DNAJC2: variants seen among roughly 807,000 people sequenced by gnomAD.
The protein encoded by DNAJC2 is dnaJ homolog subfamily C member 2.
A neutral mutation model predicts 94.0 loss-of-function variants in DNAJC2; 32 were observed. The ratio of observed to expected loss-of-function variants is 0.34; its 90% CI spans 0.26 to 0.46. The LOEUF (loss-of-function observed/expected upper bound fraction) is 0.46. Among genes scored for constraint, DNAJC2 ranks in the 20% least tolerant of loss-of-function variants. DNAJC2 has a pLI of 1.00. For missense variants in DNAJC2, 550 were observed against 719.5 expected (o/e 0.76, Z 2.69); for synonymous variants, 210 against 229.7 (o/e 0.91, Z 0.77).
intron 1 of DNAJC2, among the ~76,000 whole-genome samples, chr7:103,343,156 C>T (rs1283993486): frequency 1.3e-5 from 2 of 152,072 alleles, no homozygotes; most frequent in African/African-American, 2.4e-5. Context: ...CCCGCCACCA[C>T]GCCCAGCTAC....
In DNAJC2 at chr7:103,320,758, TACAC is replaced by T. The variant is rs1210199992; in HGVS notation, c.1084-918_1084-915del. The T allele has an allele frequency of 5.4e-3, 525 of 96,982 alleles. 4 individuals carry two copies. The highest frequency in any genetic ancestry group is 0.026 in the African/African-American group (515 of 19,894). The allele number at this position is 96,982 out of a possible 1,614,324, so 6.0% of individuals were successfully genotyped here. ...GACTCTGTCACAAAATATATATATA[TACAC>T]ATATATATATATATATATATATTCT... On this transcript the variant is annotated intron_variant, in intron 10 of 16. Transcript: ENST00000379263.
At chr7:103,325,174 T>C (rs1345014247) in intron 5 of DNAJC2, among the ~76,000 whole-genome samples, 1 of 152,200 alleles carries the variant, frequency 6.6e-6, no homozygotes, top group Non-Finnish European at 1.5e-5. Context: ...CCAGGCGCGG[T>C]GGCTCATGCC....
At chr7:103,318,657 T>C (rs1241139560) in intron 12 of DNAJC2, among the ~76,000 whole-genome samples, 2 of 152,226 alleles carry the variant, frequency 1.3e-5, no homozygotes, top group Non-Finnish European at 2.9e-5. Context: ...TAGTAGGTAC[T>C]AATACTTGTT....
In DNAJC2 at chr7:103,327,747, T is replaced by C; in HGVS notation, c.339A>G (p.Ala113=). The change falls in exon 4 of 17, where the codon GCA becomes GCG. Residue 113 remains alanine (A), a synonymous_variant. Transcript: ENST00000379263. ...TQRQIKAAHK[A]MVLKHHPDKR... ...TGTCTGGGTGATGTTTTAAAACCATTGCTTTATCTACAAAACCAGTCAGAT... is the reference window on the plus strand; with the variant it reads ...TGTCTGGGTGATGTTTTAAAACCATCGCTTTATCTACAAAACCAGTCAGAT... The C allele has an allele frequency of 6.2e-7, 1 of 1,610,268 alleles. No homozygotes were observed. Among genetic ancestry groups the C allele is most frequent in the South Asian group, 1.1e-5 (1 of 90,368 alleles).
chr7:103,326,633 T>G lies in DNAJC2; in HGVS notation c.482A>C (p.Asp161Ala). Reference sequence around the variant, plus strand: ...AGGAACTGAGTTATCAAAAGTAGGATCTACACTGTTAAATGCTCGTCTTTT... The same window carrying G: ...AGGAACTGAGTTATCAAAAGTAGGAGCTACACTGTTAAATGCTCGTCTTTT... ...PVKRRAFNSV[D>A]PTFDNSVPSK... The change falls in exon 5 of 17, where the codon GAT (aspartate) becomes GCT (alanine). Residue 161 changes from aspartate (D) to alanine (A), a missense_variant. By Grantham distance (126) the Asp-to-Ala change is moderately radical. This residue lies in a region of DNAJC2 where 279 missense variants were observed against 416.9 expected (regional missense o/e 0.67). Coordinates refer to ENST00000379263, the MANE Select transcript of DNAJC2 (RefSeq NM_014377.3). 6.2e-7 allele frequency: 1 copy of G among 1,613,722 alleles called. No individual in the cohort carries two copies. Among genetic ancestry groups the G allele is most frequent in the Non-Finnish European group, 8.5e-7 (1 of 1,179,790 alleles).
At chr7:103,322,932 G>A in intron 7 of DNAJC2, 138 bp from the exon 8 acceptor site, 1 of 736,066 alleles carries the variant, frequency 1.4e-6, no homozygotes, top group Non-Finnish European at 2.1e-6. Flanking sequence ...ATTAAACAAT[G>A]ATTTTTTTTT....
In DNAJC2 at chr7:103,322,569, T is replaced by G. The variant is rs756305848; in HGVS notation, c.875A>C (p.Glu292Ala). The G allele has an allele frequency of 1.9e-6, 3 of 1,598,592 alleles. No homozygotes were observed. The highest frequency in any genetic ancestry group is 2.2e-5 in the East Asian group (1 of 44,720). The change falls in exon 9 of 17, where the codon GAA (glutamate) becomes GCA (alanine). Residue 292 changes from glutamate to alanine, a missense_variant. By Grantham distance (107) the Glu-to-Ala change is moderately radical. Coordinates refer to ENST00000379263, the MANE Select transcript of DNAJC2 (RefSeq NM_014377.3). The part of the protein sequence containing the change: ...KFKEEEKAKK[E>A]AEKKAKAEAK... ...TTCTGCTTTTGCTTTCTTTTCTGCT[T>G]CTTTCTTGGCTTTTTCTTCTTCCTT...
intron 3 of DNAJC2, chr7:103,329,252 G>A (rs1818865089): frequency 8.9e-6 from 2 of 223,854 alleles, no homozygotes; most frequent in African/African-American, 2.4e-5. Flanking sequence ...ATGATCCTAT[G>A]AGGAAAGTGC....
At position 103,317,547 on chromosome 7, in the gene DNAJC2, T is replaced by C. The variant is rs184035325; in HGVS notation, c.1243-533A>G. ...TGCTATCTTAAGAGTCAGCTTTGGC[T>C]CATTTCTCCCCTTCAATCCCTTAGA... On this transcript the variant is annotated intron_variant, in intron 12 of 16. Transcript: ENST00000379263. 1.4e-3 allele frequency among the ~76,000 whole-genome samples: 208 copies of C among 152,358 alleles called. 1 individual carries two copies. Among genetic ancestry groups the C allele is most frequent in the African/African-American group, 4.9e-3 (204 of 41,590 alleles).
At chr7:103,330,677 C>A (rs1272063760) in intron 3 of DNAJC2, among the ~76,000 whole-genome samples, 1 of 151,514 alleles carries the variant, frequency 6.6e-6, no homozygotes, top group African/African-American at 2.4e-5. Flanking sequence ...GTCTCGAACT[C>A]CTGACCTCGT....
chr7:103,321,325 T>C (rs1317351774), intron 10 of DNAJC2, among the ~76,000 whole-genome samples: 1 of 152,086 alleles, frequency 6.6e-6, no homozygotes, highest in Admixed American at 6.5e-5. Flanking sequence ...AAGACCAGCC[T>C]GGCCAACACA....
At chr7:103,319,580 T>C (rs1426754662) in intron 12 of DNAJC2, 29 bp downstream of exon 12, 5 of 1,605,690 alleles carry the variant, frequency 3.1e-6, no homozygotes, top group East Asian at 2.2e-5. Flanking sequence ...ATGCTACATA[T>C]AGGTAGGAGT....
chr7:103,336,154 C>A (rs182217119), intron 3 of DNAJC2: 1 of 152,136 alleles, frequency 6.6e-6, no homozygotes, highest in East Asian at 1.9e-4. Flanking sequence ...GCAACAAGTA[C>A]GAAATTCTGT....
At chr7:103,320,348 A>C (rs1818317321) in intron 10 of DNAJC2, among the ~76,000 whole-genome samples, 1 of 151,760 alleles carries the variant, frequency 6.6e-6, no homozygotes, top group South Asian at 2.1e-4. Context: ...TCAGCCTCCC[A>C]AAGTGCTGGT....
intron 12 of DNAJC2, among the ~76,000 whole-genome samples, chr7:103,318,102 T>C (rs1295273850): frequency 6.6e-6 from 1 of 152,198 alleles, no homozygotes; most frequent in Non-Finnish European, 1.5e-5. Flanking sequence ...ATTAAAAACC[T>C]GATCATTGGT....
At chr7:103,320,762 C>T (rs965567135) in intron 10 of DNAJC2, 5 of 135,930 alleles carry the variant, frequency 3.7e-5, no homozygotes, top group South Asian at 3.8e-4. Flanking sequence ...TATATATACA[C>T]ATATATATAT....
chr7:103,313,458 C>G, intron 15 of DNAJC2: 1 of 984,852 alleles, frequency 1.0e-6, no homozygotes. Context: ...AACCACAATT[C>G]ATTAAGAGTT....
chr7:103,317,299 G>A (rs775928296), intron 12 of DNAJC2: 11 of 329,214 alleles, frequency 3.3e-5, no homozygotes, highest in Non-Finnish European at 6.0e-5. Context: ...AAGTCTGTGG[G>A]TCACTGAGTT....
chr7:103,338,847 T>G (rs1175662388), intron 2 of DNAJC2, among the ~76,000 whole-genome samples: 1 of 151,668 alleles, frequency 6.6e-6, no homozygotes, highest in African/African-American at 2.4e-5. Flanking sequence ...GAGGCGGAGG[T>G]TGCAGTGGGC....
Sources: allele counts gnomAD v4.1 joint callset (sites outside exome capture counted in the v4.1 genomes callset), GRCh38; gene constraint gnomAD v4.1.1; regional missense constraint gnomAD v4.1.1; transcripts MANE v1.5; gene names NCBI Gene and HGNC (gene_info 2026-07-23, HGNC 2026-07-21).